SERINC2: variants seen among roughly 807,000 people sequenced by gnomAD.
SERINC2 encodes serine incorporator 2, also known as tumor differentially expressed protein 2.
In SERINC2, 56 loss-of-function variants were observed where a neutral mutation model predicts 54.2. That is an observed-to-expected ratio of 1.03 (90% confidence interval 0.83 to 1.29). SERINC2 has a LOEUF of 1.29. Ranked by LOEUF, SERINC2 falls within the 50% of genes most tolerant of loss-of-function variation. The probability of loss-of-function intolerance (pLI) is 0.00; values close to 1 mark genes in which losing one functional copy is unlikely to be tolerated. For missense variants in SERINC2, 614 were observed against 607.4 expected, an observed-to-expected ratio of 1.01 and a Z score of -0.12; for synonymous variants, 272 against 253.1, an observed-to-expected ratio of 1.07 and a Z score of -0.71.
Position 31,426,654 on chromosome 1 carries a change from G to A in SERINC2, c.611G>A (p.Gly204Asp), listed in dbSNP as rs781822810. The change falls in exon 6 of 10, where the codon GGC (glycine) becomes GAC (aspartate). Residue 204 changes from glycine to aspartate, a missense_variant and splice_region_variant. Transcript: ENST00000373709. ...CCCTCTCACTACCCCTCTGGCCCAG[G>A]CCTCTTCTTCTTCACTCTCCTCTTC... ...EECDSRAWYAGLFFFTLLFYL... is the reference protein window; with the variant it reads ...EECDSRAWYADLFFFTLLFYL... 8 of 1,605,538 alleles carry A rather than the reference G, an allele frequency of 5.0e-6. No homozygotes were observed. The highest frequency in any genetic ancestry group is 6.8e-6 in the Non-Finnish European group (8 of 1,173,426).
chr1:31,417,430 G>T (rs539227700), intron 1 of SERINC2, among the ~76,000 whole-genome samples: 1 of 152,150 alleles, frequency 6.6e-6, no homozygotes, highest in East Asian at 1.9e-4. Flanking sequence ...TGAAAATACA[G>T]TGTCCCTGTA....
At chr1:31,423,545 C>T (rs1640951294) in intron 1 of SERINC2, 148 bp from the exon 2 acceptor site, 3 of 788,172 alleles carry the variant, frequency 3.8e-6, no homozygotes, top group South Asian at 3.6e-5. Context: ...GCCTCCCTCT[C>T]GGACCTGAAA....
rs142691198 is a variant in SERINC2 at position 31,421,840 on chromosome 1, ACTGT to A, written c.40-1849_40-1846del. ...CTGTCTGACCTCATACTCACCGCTGACTGTCTGCTCACCAAGCTTTGGCCACGAG... is the reference window on the plus strand; with the variant it reads ...CTGTCTGACCTCATACTCACCGCTGACTGCTCACCAAGCTTTGGCCACGAG... On this transcript the variant is annotated intron_variant, in intron 1 of 9. Transcript: ENST00000373709. Among the ~76,000 whole-genome samples, 1,441 of 152,200 alleles carry A rather than the reference ACTGT, an allele frequency of 9.5e-3. 27 individuals are homozygous for A. The highest frequency in any genetic ancestry group is 0.033 in the African/African-American group (1,360 of 41,532).
intron 8 of SERINC2, 128 bp downstream of exon 8, chr1:31,429,666 C>T: frequency 9.3e-7 from 1 of 1,075,636 alleles, no homozygotes. Context: ...CCAGGTCTTG[C>T]ATTGTGCGGG....
upstream of SERINC2, chr1:31,410,069 CT>C (rs1640622924): frequency 2.8e-6 from 3 of 1,089,670 alleles, no homozygotes; most frequent in Non-Finnish European, 2.6e-6. Context: ...CAAATGACCC[CT>C]ACATGTTTAT....
chr1:31,414,390 T>C, intron 1 of SERINC2: 5 of 1,205,648 alleles, frequency 4.1e-6, no homozygotes, highest in Non-Finnish European at 5.1e-6. Flanking sequence ...CTGCTGAATC[T>C]CGGGACTCGC....
intron 1 of SERINC2, among the ~76,000 whole-genome samples, chr1:31,418,348 T>C (rs1228976793): frequency 6.6e-6 from 1 of 152,068 alleles, no homozygotes; most frequent in African/African-American, 2.4e-5. Context: ...TGGATATATA[T>C]CCAGAAGTGG....
chr1:31,418,526 C>T (rs1640833934), intron 1 of SERINC2, among the ~76,000 whole-genome samples: 1 of 152,152 alleles, frequency 6.6e-6, no homozygotes. Context: ...CAAATGCCTG[C>T]CACCATGCCT....
At chr1:31,420,238 T>C (rs1553132629) in intron 1 of SERINC2, among the ~76,000 whole-genome samples, 1 of 152,190 alleles carries the variant, frequency 6.6e-6, no homozygotes, top group African/African-American at 2.4e-5. Flanking sequence ...CCAAGGATGC[T>C]CTGGAAGCAG....
chr1:31,432,654 C>T (rs912332029), intron 8 of SERINC2, among the ~76,000 whole-genome samples: 7 of 152,182 alleles, frequency 4.6e-5, no homozygotes, highest in Admixed American at 2.0e-4. Flanking sequence ...AATTTATATT[C>T]TGTGCCAAGC....
chr1:31,413,882 C>G lies in SERINC2; in HGVS notation c.39+578C>G. On this transcript the variant is annotated intron_variant, in intron 1 of 9. Transcript: ENST00000373709. This position sits in a 1 kb window ranked among gnomAD's most constrained non-coding sequence, Gnocchi z 5.0. ...CTTTGTCCGTCTGCTGTCTTCTGTC[C>G]GTCTGCCCGTCCGCCCGTCCGTCCC... is the stretch of plus-strand genomic sequence containing the variant. The G allele has an allele frequency of 6.9e-7, 1 of 1,447,284 alleles. No individual in the cohort carries two copies. Among genetic ancestry groups the G allele is most frequent in the Non-Finnish European group, 9.0e-7 (1 of 1,107,434 alleles). 89.7% of individuals were successfully genotyped at this position (1,447,284 alleles called of 1,614,324 possible). A position where few individuals can be genotyped will look rare whatever the true frequency, so the allele number is the denominator to read the frequency against.
chr1:31,428,134 G>T (rs1271143741), intron 6 of SERINC2, among the ~76,000 whole-genome samples: 1 of 152,106 alleles, frequency 6.6e-6, no homozygotes, highest in Non-Finnish European at 1.5e-5. Context: ...TCGCCTCCCA[G>T]GTTCAAGCAA....
At chr1:31,414,160 T>G (rs1640717669) in intron 1 of SERINC2, 2 of 1,410,246 alleles carry the variant, frequency 1.4e-6, no homozygotes, top group Admixed American at 5.8e-5. Context: ...CGGTCGCGGG[T>G]TCGGGACCTG....
At chr1:31,414,494 G>T in intron 1 of SERINC2, 7 of 1,015,344 alleles carry the variant, frequency 6.9e-6, no homozygotes, top group African/African-American at 1.7e-5. Flanking sequence ...GTAGGGGAGA[G>T]CTGAGGGTCT....
At chr1:31,431,121 C>G (rs963105709) in intron 8 of SERINC2, among the ~76,000 whole-genome samples, 43 of 151,066 alleles carry the variant, frequency 2.8e-4, no homozygotes, top group Middle Eastern at 3.4e-3. Flanking sequence ...TCCCCTCCCC[C>G]CTCCTCTCTC....
chr1:31,410,067 C>A, upstream of SERINC2: 1 of 1,056,720 alleles, frequency 9.5e-7, no homozygotes, highest in Non-Finnish European at 1.3e-6. Flanking sequence ...ACCAAATGAC[C>A]CCTACATGTT....
At chr1:31,424,238 G>A (rs1478009809) in intron 2 of SERINC2, among the ~76,000 whole-genome samples, 2 of 152,144 alleles carry the variant, frequency 1.3e-5, no homozygotes, top group African/African-American at 4.8e-5. Context: ...ACATTTTAGT[G>A]TGTATAAAGA....
upstream of SERINC2, among the ~76,000 whole-genome samples, chr1:31,412,748 G>A (rs1640672672): frequency 6.6e-6 from 1 of 152,210 alleles, no homozygotes; most frequent in South Asian, 2.1e-4. Context: ...CACCCTGTGA[G>A]GTATGTATCC....
At chr1:31,413,036 G>T (rs1640678893), upstream of SERINC2, 9 of 601,266 alleles carry the variant, frequency 1.5e-5, no homozygotes, top group Non-Finnish European at 1.7e-5. The surrounding 1 kb of genome is among the most constrained non-coding windows in gnomAD (Gnocchi z 5.0). Context: ...CGCCGCTCGC[G>T]TGGCCGCGGG....
Sources: allele counts gnomAD v4.1 joint callset (sites outside exome capture counted in the v4.1 genomes callset), GRCh38; gene constraint gnomAD v4.1.1; non-coding constraint Gnocchi (gnomAD v3.1); transcripts MANE v1.5; gene names NCBI Gene and HGNC (gene_info 2026-07-23, HGNC 2026-07-21).